Variants in TEX11 observed in about 807,000 individuals in gnomAD.
TEX11 encodes the protein testis-expressed protein 11.
Under a neutral mutation model 84.4 loss-of-function variants are expected in TEX11, and 7 were observed. The observed-to-expected ratio is 0.08, with a 90% CI of 0.05 to 0.16. TEX11 has a LOEUF of 0.16. Ranked by LOEUF, TEX11 falls within the 10% of genes least tolerant of loss-of-function variation. The pLI, the probability that TEX11 is intolerant of heterozygous loss-of-function variation, is 1.00. For missense variants in TEX11, 551 were observed against 660.5 expected (o/e 0.83, Z 1.82); for synonymous variants, 264 against 222.8 (o/e 1.18, Z -1.64).
In TEX11 at chrX:70,668,522, A is replaced by C. The variant is rs751278046; in HGVS notation, c.1380+1855T>G. 3.6e-5 allele frequency among the ~76,000 whole-genome samples: 4 copies of C among 112,584 alleles called. No homozygotes were observed. In the East Asian group the frequency reaches 1.1e-3, roughly 31 times the overall value. Reference sequence around the variant, plus strand: ...TGGAGAAATATACTAACAGTAACCAACAAAGTTACCTTGAATATATTCAAA... The same window carrying C: ...TGGAGAAATATACTAACAGTAACCACCAAAGTTACCTTGAATATATTCAAA... On this transcript the variant is annotated intron_variant, in intron 16 of 29. Coordinates refer to ENST00000374333, the MANE Select transcript of TEX11 (RefSeq NM_031276.3).
At chrX:70,797,541 C>T (rs1299167352) in intron 9 of TEX11, among the ~76,000 whole-genome samples, 1 of 109,526 alleles carries the variant, frequency 9.1e-6, no homozygotes, top group Non-Finnish European at 1.9e-5. Flanking sequence ...TTCTATGAGG[C>T]CAGCATTACC....
At chrX:70,531,789 G>A (rs900472500) in intron 28 of TEX11, among the ~76,000 whole-genome samples, 2 of 111,699 alleles carry the variant, frequency 1.8e-5, no homozygotes, top group Non-Finnish European at 3.8e-5. Context: ...ACCTTAATGT[G>A]AGTTTTATGA....
chrX:70,751,582 A>C (rs1339910211), intron 9 of TEX11, among the ~76,000 whole-genome samples: 4 of 109,689 alleles, frequency 3.6e-5, no homozygotes, highest in Non-Finnish European at 7.6e-5. Context: ...ATGTATACAT[A>C]TGTAACTAAC....
chrX:70,547,408 T>A (rs181704599), intron 28 of TEX11, among the ~76,000 whole-genome samples: 35 of 110,756 alleles, frequency 3.2e-4, no homozygotes, highest in Non-Finnish European at 5.7e-4. Flanking sequence ...GAATAAAAAA[T>A]CAGACAAATG....
intron 17 of TEX11, among the ~76,000 whole-genome samples, chrX:70,646,794 T>C (rs2089747617): frequency 1.8e-5 from 2 of 112,015 alleles, no homozygotes; most frequent in South Asian, 7.4e-4. Flanking sequence ...TGTAAATTAG[T>C]ATAGCCATCA....
chrX:70,700,985 G>C (rs1195202934), intron 13 of TEX11, among the ~76,000 whole-genome samples: 1 of 111,525 alleles, frequency 9.0e-6, no homozygotes, highest in Non-Finnish European at 1.9e-5. Context: ...GAGAGGTGAG[G>C]AAGCTTCAGA....
At chrX:70,616,890 G>C (rs995383167) in intron 20 of TEX11, among the ~76,000 whole-genome samples, 39 of 111,483 alleles carry the variant, frequency 3.5e-4, no homozygotes, top group African/African-American at 1.2e-3. Context: ...AGGGTTGCGG[G>C]GGGTAGAAGG....
At chrX:70,809,050 A>T (rs2091237239) in intron 8 of TEX11, among the ~76,000 whole-genome samples, 1 of 111,978 alleles carries the variant, frequency 8.9e-6, no homozygotes, top group African/African-American at 3.2e-5. Flanking sequence ...GTTGAAAGGA[A>T]TTCCCAAGTC....
chrX:70,533,860 G>A (rs889012909), intron 28 of TEX11, among the ~76,000 whole-genome samples: 4 of 110,482 alleles, frequency 3.6e-5, no homozygotes, highest in Admixed American at 9.6e-5. Flanking sequence ...TTGGGAGGCC[G>A]AGGTGGGCGG....
intron 7 of TEX11, among the ~76,000 whole-genome samples, chrX:70,834,756 T>A (rs1602165823): frequency 2.0e-5 from 2 of 101,499 alleles, no homozygotes; most frequent in Non-Finnish European, 4.0e-5. Flanking sequence ...AGAGCGAGAC[T>A]CTGTCACAAA....
intron 7 of TEX11, among the ~76,000 whole-genome samples, chrX:70,846,521 C>A (rs1281590600): frequency 8.9e-6 from 1 of 112,428 alleles, no homozygotes; most frequent in Non-Finnish European, 1.9e-5. Context: ...ACCATAACTT[C>A]TTCCATTGCC....
At position 70,804,565 on chromosome X, in the gene TEX11, C is replaced by A. The variant is rs188601807; in HGVS notation, c.692+2140G>T. Reference sequence around the variant, plus strand: ...TACTAGGGCTAAAATTAAAGTTTTTCTTCTTTTCTTCAATATTATTCTAGT... The same window carrying A: ...TACTAGGGCTAAAATTAAAGTTTTTATTCTTTTCTTCAATATTATTCTAGT... On this transcript the variant is annotated intron_variant, in intron 9 of 29. Coordinates refer to ENST00000374333, the MANE Select transcript of TEX11 (RefSeq NM_031276.3). 6.6e-3 allele frequency among the ~76,000 whole-genome samples: 739 copies of A among 111,726 alleles called. 5 individuals are homozygous for A. The highest frequency in any genetic ancestry group is 0.023 in the African/African-American group (703 of 30,826).
intron 9 of TEX11, among the ~76,000 whole-genome samples, chrX:70,752,999 G>T (rs180830781): frequency 1.8e-5 from 2 of 110,235 alleles, no homozygotes; most frequent in African/African-American, 6.6e-5. Flanking sequence ...GCCCGTGGAG[G>T]GGGTGTTTAA....
chrX:70,773,262 A>G (rs910356426), intron 9 of TEX11, among the ~76,000 whole-genome samples: 1 of 111,127 alleles, frequency 9.0e-6, no homozygotes, highest in Non-Finnish European at 1.9e-5. Context: ...AGGGAGAATC[A>G]TGAAAGTAAT....
intron 2 of TEX11, among the ~76,000 whole-genome samples, chrX:70,892,030 A>C (rs1398547398): frequency 8.9e-6 from 1 of 111,839 alleles, no homozygotes; most frequent in African/African-American, 3.3e-5. Flanking sequence ...ATAACAGTGG[A>C]TCTCTCTACA....
rs67645855 is a variant in TEX11, at chrX:70,671,880, GATATAT to G, written c.1243-1372_1243-1367del. On this transcript the variant is annotated intron_variant, in intron 15 of 29. Transcript: ENST00000374333. Reference sequence around the variant, plus strand: ...AATATTTAAACTGTACAATTGTTTTGATATATATATATATATATATATATATATATA... The same window carrying G: ...AATATTTAAACTGTACAATTGTTTTGATATATATATATATATATATATATA... Among the ~76,000 whole-genome samples the G allele has an allele frequency of 2.6e-4, 17 of 66,342 alleles. No individual in the cohort carries two copies. In the East Asian group the frequency reaches 6.7e-3, roughly 26 times the overall value. 57.6% of individuals were successfully genotyped at this position (66,342 alleles called of 115,157 possible).
chrX:70,820,248 C>T (rs1299662327), intron 8 of TEX11, among the ~76,000 whole-genome samples: 2 of 111,240 alleles, frequency 1.8e-5, no homozygotes, highest in Non-Finnish European at 3.8e-5. Flanking sequence ...AATAGAAGAG[C>T]CAGAAATAAA....
chrX:70,864,534 G>A (rs564261963), intron 4 of TEX11, among the ~76,000 whole-genome samples: 8 of 108,291 alleles, frequency 7.4e-5, no homozygotes, highest in African/African-American at 1.3e-4. Context: ...TCAGGAGTTC[G>A]AGACCAGCCT....
chrX:70,871,864 A>G (rs779419574), intron 4 of TEX11, among the ~76,000 whole-genome samples: 1 of 97,516 alleles, frequency 1.0e-5, no homozygotes, highest in African/African-American at 3.9e-5. Context: ...CCCATTTAGT[A>G]TTTTTCCTCT....
Sources: allele counts gnomAD v4.1 joint callset (sites outside exome capture counted in the v4.1 genomes callset), GRCh38; gene constraint gnomAD v4.1.1; transcripts MANE v1.5; gene names NCBI Gene and HGNC (gene_info 2026-07-23, HGNC 2026-07-21).